The following MOXD1 variants were observed in gnomAD, a reference collection of about 807,000 sequenced individuals.
MOXD1 encodes the protein DBH-like monooxygenase protein 1.
A neutral mutation model predicts 66.6 loss-of-function variants in MOXD1; 62 were observed. The observed-to-expected ratio is 0.93, with a 90% CI of 0.76 to 1.15. The LOEUF (loss-of-function observed/expected upper bound fraction) is 1.15, where lower values mean the gene tolerates loss of function less well. MOXD1 is among the 50% of genes most tolerant of loss of function. MOXD1 has a pLI of 0.00. For missense variants in MOXD1, 847 were observed against 754.6 expected (o/e 1.12, Z -1.44); for synonymous variants, 303 against 281.9 (o/e 1.07, Z -0.75).
intron 9 of MOXD1, among the ~76,000 whole-genome samples, chr6:132,317,632 G>A (rs1405595779): frequency 1.3e-5 from 2 of 152,094 alleles, no homozygotes; most frequent in Non-Finnish European, 1.5e-5. Context: ...TGGCCCTGAA[G>A]AGGGTATCAA....
chr6:132,369,186 G>A (rs1776211617), intron 4 of MOXD1, among the ~76,000 whole-genome samples: 2 of 152,232 alleles, frequency 1.3e-5, no homozygotes, highest in East Asian at 1.9e-4. Flanking sequence ...CCCACTTGCA[G>A]TAAATGGCTT....
intron 4 of MOXD1, among the ~76,000 whole-genome samples, chr6:132,351,973 A>G (rs886847307): frequency 1.3e-5 from 2 of 152,244 alleles, no homozygotes; most frequent in East Asian, 1.9e-4. Context: ...ATCAGTTGCA[A>G]TATCTCCCAT....
Position 132,326,467 on chromosome 6 carries a change from T to C in MOXD1, c.946+1546A>G, listed in dbSNP as rs537151134. 1.3e-4 allele frequency among the ~76,000 whole-genome samples: 20 copies of C among 152,054 alleles called. No homozygotes were observed. The East Asian group carries it at 3.3e-3, about 25-fold the overall frequency. On this transcript the variant is annotated intron_variant, in intron 6 of 11. Transcript: ENST00000367963. ...GAAGTAGTTCACATAGAATTTCCAA[T>C]TGGAGAAGTATTATACATTGTATAG...
intron 4 of MOXD1, among the ~76,000 whole-genome samples, chr6:132,368,035 G>C (rs943019626): frequency 4.0e-5 from 6 of 151,840 alleles, no homozygotes; most frequent in African/African-American, 1.5e-4. Context: ...TCTATTAAAT[G>C]GAATGAGACA....
chr6:132,333,622 A>C (rs1775372214), intron 4 of MOXD1, among the ~76,000 whole-genome samples: 1 of 152,214 alleles, frequency 6.6e-6, no homozygotes, highest in South Asian at 2.1e-4. Context: ...GAAATAAATA[A>C]AAAGAAATAC....
chr6:132,332,811 A>G (rs1353803709), intron 4 of MOXD1, among the ~76,000 whole-genome samples: 1 of 152,288 alleles, frequency 6.6e-6, no homozygotes. Flanking sequence ...GCAGTCAACA[A>G]ACTTGTGTTT....
rs1275504589 is a variant in MOXD1 at position 132,374,755 on chromosome 6, C to T, written c.287G>A (p.Arg96Lys). 4 of 1,613,700 alleles carry T rather than the reference C, an allele frequency of 2.5e-6. No homozygotes were observed. Among genetic ancestry groups the T allele is most frequent in the Middle Eastern group, 3.3e-4 (2 of 6,058 alleles). Reference protein sequence around the residue: ...YLQDYFTNANRELKKDAQQDY... With the variant: ...YLQDYFTNANKELKKDAQQDY... ...TTGCTGAGCATCTTTTTTCAACTCT[C>T]TATTTGCATTTGTAAAATAATCCTG... The change falls in exon 2 of 12, where the codon AGA (arginine) becomes AAA (lysine). Residue 96 changes from arginine (R) to lysine (K), a missense_variant. Coordinates refer to ENST00000367963, the MANE Select transcript of MOXD1 (RefSeq NM_015529.4).
intron 10 of MOXD1, among the ~76,000 whole-genome samples, chr6:132,308,090 GAA>G (rs202147021): frequency 2.0e-4 from 27 of 136,608 alleles, no homozygotes; most frequent in African/African-American, 3.4e-4. Flanking sequence ...GTGGTTTTTT[GAA>G]AAAAAAAAAA....
chr6:132,374,742 T>A lies in MOXD1; in HGVS notation c.300A>T (p.Lys100Asn), dbSNP rs753366782. ...CTAGATGGTAATCTTGCTGAGCATC[T>A]TTTTTCAACTCTCTATTTGCATTTG... ...YFTNANRELK[K>N]DAQQDYHLEY... Residue 100 changes from lysine (K) to asparagine (N), a missense_variant, in exon 2 of 12, where the codon AAA (lysine) becomes AAT (asparagine). Physicochemically the swap from Lys to Asn is moderately conservative, Grantham distance 94. Coordinates refer to ENST00000367963, the MANE Select transcript of MOXD1 (RefSeq NM_015529.4). The A allele has an allele frequency of 6.2e-7, 1 of 1,613,586 alleles. No individual in the cohort carries two copies. The highest frequency in any genetic ancestry group is 1.3e-5 in the African/African-American group (1 of 74,944).
chr6:132,401,088 C>A, intron 1 of MOXD1, 75 bp downstream of exon 1: 2 of 1,390,602 alleles, frequency 1.4e-6, no homozygotes, highest in Non-Finnish European at 1.9e-6. Context: ...CGGGGACGAC[C>A]CGCACCTGCG....
At chr6:132,334,313 A>G (rs1198548128) in intron 4 of MOXD1, among the ~76,000 whole-genome samples, 1 of 152,208 alleles carries the variant, frequency 6.6e-6, no homozygotes, top group East Asian at 1.9e-4. Flanking sequence ...CACCCTGCCC[A>G]TGAGTACACT....
chr6:132,378,143 A>AT (rs1201599757), intron 1 of MOXD1, among the ~76,000 whole-genome samples: 9 of 151,692 alleles, frequency 5.9e-5, no homozygotes, highest in African/African-American at 1.5e-4. Context: ...CAAAAAAAAA[A>AT]TTTTTTTTTC....
At chr6:132,333,894 A>C (rs374731136) in intron 4 of MOXD1, among the ~76,000 whole-genome samples, 2 of 152,230 alleles carry the variant, frequency 1.3e-5, no homozygotes, top group South Asian at 4.1e-4. Flanking sequence ...AAAGACTTCA[A>C]CCTGAAAGAG....
chr6:132,327,785 C>T (rs1252761877), intron 6 of MOXD1, among the ~76,000 whole-genome samples: 1 of 152,146 alleles, frequency 6.6e-6, no homozygotes, highest in Non-Finnish European at 1.5e-5. Context: ...AGATTAGTGA[C>T]TGCGTGTGCT....
rs1776142775 is a variant in MOXD1, at chr6:132,366,406, C to T, written c.663+6202G>A. 2.0e-5 allele frequency among the ~76,000 whole-genome samples: 3 copies of T among 151,982 alleles called. No homozygotes were observed. In the South Asian group the frequency reaches 6.2e-4, roughly 32 times the overall value. ...TAGTCTCCCATATGAAAAAGTGAAA[C>T]AGAAGGTGAACACATAAAAAAACAA... is the stretch of plus-strand genomic sequence containing the variant. On this transcript the variant is annotated intron_variant, in intron 4 of 11. Transcript: ENST00000367963.
chr6:132,377,957 G>T (rs1037868833), intron 1 of MOXD1, among the ~76,000 whole-genome samples: 2 of 151,850 alleles, frequency 1.3e-5, no homozygotes, highest in Non-Finnish European at 2.9e-5. Flanking sequence ...GTGAAACCCC[G>T]TCTCTACTAA....
intron 4 of MOXD1, among the ~76,000 whole-genome samples, chr6:132,347,954 G>A (rs1184971126): frequency 6.6e-6 from 1 of 151,566 alleles, no homozygotes; most frequent in African/African-American, 2.4e-5. Context: ...CTCATTTATA[G>A]AACAGTTCCA....
Position 132,401,248 on chromosome 6 carries a change from A to T in MOXD1, c.179T>A (p.Val60Glu). ...CCCGGTGGGCGAGAAGCCGAAGCCC[A>T]CGTAGCCTGCAGTGCGCACCTGGAG... ...FRLQVRTAGY[V>E]GFGFSPTGAM... Residue 60 changes from valine to glutamate, a missense_variant, in exon 1 of 12, where the codon GTG becomes GAG. Physicochemically the swap from Val to Glu is moderately radical, Grantham distance 121. Transcript: ENST00000367963. 2 of 1,593,666 alleles carry T rather than the reference A, an allele frequency of 1.3e-6. No individual in the cohort carries two copies. The highest frequency in any genetic ancestry group is 1.7e-6 in the Non-Finnish European group (2 of 1,176,462).
rs1181633603 is a variant in MOXD1, at chr6:132,296,357, A to T, written c.*796T>A. 6.6e-6 allele frequency: 1 copy of T among 152,250 alleles called. No individual in the cohort carries two copies. The highest frequency in any genetic ancestry group is 1.5e-5 in the Non-Finnish European group (1 of 68,122). The allele number at this position is 152,250 out of a possible 1,614,324, so 9.4% of individuals were successfully genotyped here. ...TGTCTTTGATCTGGAACCTCATATA[A>T]GTCACCTCACAGCACTGGGTTTGCA... On this transcript the variant is annotated 3_prime_UTR_variant, in exon 12 of 12. Transcript: ENST00000367963.
Sources: allele counts gnomAD v4.1 joint callset (sites outside exome capture counted in the v4.1 genomes callset), GRCh38; gene constraint gnomAD v4.1.1; transcripts MANE v1.5; gene names NCBI Gene and HGNC (gene_info 2026-07-23, HGNC 2026-07-21).